MYH4: variants seen among roughly 807,000 people sequenced by gnomAD.
MYH4 encodes the protein myosin heavy chain 4.
MYH4 carries 200 observed loss-of-function variants against 229.9 expected under a neutral mutation model. The observed-to-expected ratio is 0.87, with a 90% CI of 0.78 to 0.98. The LOEUF (loss-of-function observed/expected upper bound fraction) is 0.98, where lower values mean the gene tolerates loss of function less well. Among genes scored for constraint, MYH4 ranks in the 50% least tolerant of loss-of-function variants. MYH4 has a pLI of 0.00. For missense variants in MYH4, 2,148 were observed against 2,332.6 expected, an observed-to-expected ratio of 0.92 and a Z score of 1.63; for synonymous variants, 761 against 834.6, an observed-to-expected ratio of 0.91 and a Z score of 1.52.
At chr17:10,456,740 C>T (rs2072643642) in intron 16 of MYH4, among the ~76,000 whole-genome samples, 185 bp from the exon 17 acceptor site, 1 of 152,134 alleles carries the variant, frequency 6.6e-6, no homozygotes, top group Non-Finnish European at 1.5e-5. Context: ...ATTTGGCTGA[C>T]TTTATAGTCA....
rs376179609 is a variant in MYH4, at chr17:10,444,971, C to A, written c.5466+5G>T. On this transcript the variant is annotated splice_donor_5th_base_variant and intron_variant, in intron 37 of 39. Coordinates refer to ENST00000255381, the MANE Select transcript of MYH4 (RefSeq NM_017533.2). The stretch of plus-strand genomic sequence containing the variant: ...AAGGAATTGAGTGAAGTTGTGGAGA[C>A]CTACCCTGGCCTCCAGTTTCTGGAT... 1.9e-6 allele frequency: 3 copies of A among 1,614,076 alleles called. No homozygotes were observed. Among genetic ancestry groups the A allele is most frequent in the Non-Finnish European group, 1.7e-6 (2 of 1,180,012 alleles).
intron 24 of MYH4, 96 bp from the exon 25 acceptor site, chr17:10,453,028 C>A (rs2072595638): frequency 6.3e-7 from 1 of 1,584,302 alleles, no homozygotes; most frequent in East Asian, 2.2e-5. Context: ...TTTAAAGATA[C>A]AACAAATAGC....
At chr17:10,463,427 T>C (rs2072724014) in intron 8 of MYH4, 26 bp from the exon 9 acceptor site, 2 of 1,601,916 alleles carry the variant, frequency 1.2e-6, no homozygotes, top group African/African-American at 1.3e-5. Context: ...GAGGGATTAT[T>C]ATACACATTA....
At chr17:10,462,692 A>C (rs36019968) in intron 11 of MYH4, among the ~76,000 whole-genome samples, 173 bp downstream of exon 11, 9,318 of 152,282 alleles carry the variant, frequency 0.061, 319 homozygotes, top group South Asian at 0.12. Flanking sequence ...TTTTTAACAC[A>C]TGTAGGGGGA....
At chr17:10,463,215 A>G (rs543651808) in intron 9 of MYH4, 27 bp from the exon 10 acceptor site, 2 of 1,587,562 alleles carry the variant, frequency 1.3e-6, no homozygotes, top group East Asian at 4.5e-5. Context: ...GCTCATTTAA[A>G]AGAAGATGCC....
intron 18 of MYH4, 33 bp downstream of exon 18, chr17:10,455,781 C>T: frequency 6.2e-7 from 1 of 1,614,196 alleles, no homozygotes; most frequent in South Asian, 1.1e-5. Context: ...CGCACACACA[C>T]TGGAGCTTGT....
intron 2 of MYH4, among the ~76,000 whole-genome samples, chr17:10,468,003 C>A (rs1393685348): frequency 6.6e-6 from 1 of 152,194 alleles, no homozygotes; most frequent in Non-Finnish European, 1.5e-5. Context: ...AACTTTCCCT[C>A]AACTTAAAAT....
chr17:10,446,881 C>T, intron 35 of MYH4, 132 bp downstream of exon 35: 2 of 862,812 alleles, frequency 2.3e-6, no homozygotes. Context: ...TAAATCCTTA[C>T]AGCACCCTGT....
Position 10,444,888 on chromosome 17 carries a change from A to C in MYH4, c.5478T>G (p.Leu1826=), listed in dbSNP as rs1018529810. 1.9e-6 allele frequency: 3 copies of C among 1,614,036 alleles called. No individual in the cohort carries two copies. The highest frequency in any genetic ancestry group is 1.1e-5 in the South Asian group (1 of 91,070). ...TCTGTTCACTTTCCACCTCACTTTC[A>C]AGCTCTCTCACCTGGAAGGGAACAA... ...IQKLEARVRE[L]ESEVESEQKH... is the part of the protein sequence containing the mutation. The change falls in exon 38 of 40, where the codon CTT becomes CTG. Residue 1826 remains leucine (L), a synonymous_variant. Transcript: ENST00000255381.
At position 10,446,996 on chromosome 17, in the gene MYH4, A is replaced by G. The variant is rs780093025; in HGVS notation, c.5169+17T>C. 5 of 1,610,184 alleles carry G rather than the reference A, an allele frequency of 3.1e-6. No individual in the cohort carries two copies. The South Asian group carries it at 5.5e-5, about 18-fold the overall frequency. On this transcript the variant is annotated intron_variant, in intron 35 of 39. Coordinates refer to ENST00000255381, the MANE Select transcript of MYH4 (RefSeq NM_017533.2). Reference sequence around the variant, plus strand: ...CTTCAGGGAGTACATTTTCTAAACCATAGTCTTGAACCTCACCTGAGTGTG... The same window carrying G: ...CTTCAGGGAGTACATTTTCTAAACCGTAGTCTTGAACCTCACCTGAGTGTG...
intron 39 of MYH4, among the ~76,000 whole-genome samples, chr17:10,444,018 C>A (rs578094563): frequency 3.3e-5 from 5 of 152,182 alleles, no homozygotes; most frequent in African/African-American, 1.2e-4. Flanking sequence ...GTGCTTATGA[C>A]CCTCCTCAAG....
chr17:10,452,268 C>G lies in MYH4; in HGVS notation c.3411G>C (p.Glu1137Asp). The change falls in exon 27 of 40, where the codon GAG becomes GAC. Residue 1137 changes from glutamate (E) to aspartate (D), a missense_variant. Glu to Asp is a conservative substitution (Grantham distance 45). Coordinates refer to ENST00000255381, the MANE Select transcript of MYH4 (RefSeq NM_017533.2). ...CCCGGGAGAGGTCAGAGCGCTGCTT[C>G]TCTGCTTTGGCCCGGGAGGCCCGCT... ...EAERASRAKAEKQRSDLSREL... is the reference protein window; with the variant it reads ...EAERASRAKADKQRSDLSREL... 1 of 1,614,070 alleles carries G rather than the reference C, an allele frequency of 6.2e-7. No homozygotes were observed. The highest frequency in any genetic ancestry group is 1.7e-5 in the Admixed American group (1 of 60,022).
intron 2 of MYH4, among the ~76,000 whole-genome samples, 156 bp from the exon 3 acceptor site, chr17:10,466,940 G>A (rs2072774766): frequency 6.6e-6 from 1 of 152,196 alleles, no homozygotes; most frequent in African/African-American, 2.4e-5. Context: ...TGAGAGATCA[G>A]CTCATTGATT....
In MYH4 at chr17:10,448,033, C is replaced by CT; in HGVS notation, c.4749dup (p.Asp1584ArgfsTer2). The CT allele has an allele frequency of 6.2e-7, 1 of 1,614,016 alleles. No individual in the cohort carries two copies. The highest frequency in any genetic ancestry group is 1.1e-5 in the South Asian group (1 of 91,072). On this transcript the variant is annotated frameshift_variant, in exon 34 of 40. Transcript: ENST00000255381. LOFTEE classifies it high-confidence loss of function. ...CTCTTTAGCTGATCGAGTTCTTCAT[C>CT]TTTTTCAGCAATTTTTCGGTCAATC...
rs146480253 is a variant in MYH4 at position 10,468,793 on chromosome 17, G to A, written c.-40+495C>T. ...GTTCAGGGTCATTCAGTGTCATAGT[G>A]GTGGGTGATAAGTGGCGGTACTGGG... On this transcript the variant is annotated intron_variant, in intron 2 of 39. Transcript: ENST00000255381. Among the ~76,000 whole-genome samples, 4 of 152,326 alleles carry A rather than the reference G, an allele frequency of 2.6e-5. No individual in the cohort carries two copies. In the East Asian group the frequency reaches 7.7e-4, roughly 29 times the overall value.
In MYH4 at chr17:10,459,435, T is replaced by A. The variant is rs758855378; in HGVS notation, c.1417-14A>T. On this transcript the variant is annotated splice_polypyrimidine_tract_variant and intron_variant, in intron 14 of 39. Coordinates refer to ENST00000255381, the MANE Select transcript of MYH4 (RefSeq NM_017533.2). Reference sequence around the variant, plus strand: ...CAGGCTGTTGAACTACAGAACAAGATAAATATAGGAAATTACGCATAACAA... The same window carrying A: ...CAGGCTGTTGAACTACAGAACAAGAAAAATATAGGAAATTACGCATAACAA... The A allele has an allele frequency of 1.7e-5, 28 of 1,614,066 alleles. No homozygotes were observed. Among genetic ancestry groups the A allele is most frequent in the Non-Finnish European group, 2.2e-5 (26 of 1,180,016 alleles).
In MYH4 at chr17:10,464,465, T is replaced by C; in HGVS notation, c.648+7A>G. On this transcript the variant is annotated splice_region_variant and intron_variant, in intron 7 of 39. Transcript: ENST00000255381. ...TTATTCTGTCCTTAGATGAATATCA[T>C]GCCCACCTGCATTTTGCCAGAGGCA... The C allele has an allele frequency of 6.2e-7, 1 of 1,609,196 alleles. No individual in the cohort carries two copies. The highest frequency in any genetic ancestry group is 8.5e-7 in the Non-Finnish European group (1 of 1,176,748).
Position 10,454,554 on chromosome 17 carries a change from C to G in MYH4, c.2691+1G>C, listed in dbSNP as rs1597418958. The G allele has an allele frequency of 3.1e-6, 5 of 1,613,460 alleles. No individual in the cohort carries two copies. Among genetic ancestry groups the G allele is most frequent in the Non-Finnish European group, 2.5e-6 (3 of 1,179,878 alleles). ...GCTGAACTGCAATGTATAATACTTACAGCTTGAACTTGGAGTTGTAAGTCA... is the reference window on the plus strand; with the variant it reads ...GCTGAACTGCAATGTATAATACTTAGAGCTTGAACTTGGAGTTGTAAGTCA... On this transcript the variant is annotated splice_donor_variant, in intron 22 of 39. Coordinates refer to ENST00000255381, the MANE Select transcript of MYH4 (RefSeq NM_017533.2). LOFTEE classifies it high-confidence loss of function.
rs2072480718 is a variant in MYH4, at chr17:10,443,653, G to T, written c.5668-126C>A. On this transcript the variant is annotated intron_variant, in intron 39 of 39. Transcript: ENST00000255381. This position sits in a 1 kb window ranked among gnomAD's most constrained non-coding sequence, Gnocchi z 4.6. ...AAGGCTCCGTTGTCCAGGCATGGTG[G>T]CTCACACCTGTAATCCCAGCACTCT... 3 of 985,756 alleles carry T rather than the reference G, an allele frequency of 3.0e-6. No individual in the cohort carries two copies. The highest frequency in any genetic ancestry group is 1.6e-5 in the African/African-American group (1 of 61,394). 61.1% of individuals were successfully genotyped at this position (985,756 alleles called of 1,614,324 possible). A position where few individuals can be genotyped will look rare whatever the true frequency, so the allele number is the denominator to read the frequency against.
Sources: gnomAD v4.1 joint callset for allele counts (sites outside exome capture counted in the v4.1 genomes callset) on GRCh38, gnomAD v4.1.1 for gene constraint, Gnocchi (gnomAD v3.1) non-coding constraint, MANE v1.5 for transcripts, NCBI Gene and HGNC (gene_info 2026-07-23, HGNC 2026-07-21) for gene names.